NEK10: variants seen among roughly 807,000 people sequenced by gnomAD.
NEK10 encodes the protein serine/threonine-protein kinase Nek10.
In NEK10, 122 loss-of-function variants were observed where a neutral mutation model predicts 159.8. The ratio of observed to expected loss-of-function variants is 0.76; its 90% CI spans 0.66 to 0.89. The LOEUF (loss-of-function observed/expected upper bound fraction) is 0.89, where lower values mean the gene tolerates loss of function less well. Among genes scored for constraint, NEK10 ranks in the 40% least tolerant of loss-of-function variants. The probability of loss-of-function intolerance (pLI) is 0.00; values close to 1 mark genes in which losing one functional copy is unlikely to be tolerated. For synonymous variants in NEK10, 466 were observed against 457.1 expected, an observed-to-expected ratio of 1.02 and a Z score of -0.25; for missense variants, 1,342 against 1,323.1, an observed-to-expected ratio of 1.01 and a Z score of -0.22.
At chr3:27,302,684 T>C (rs2043923516) in intron 12 of NEK10, among the ~76,000 whole-genome samples, 1 of 152,218 alleles carries the variant, frequency 6.6e-6, no homozygotes. Context: ...TTATTTTTTA[T>C]AGCAGCAACT....
intron 22 of NEK10, among the ~76,000 whole-genome samples, chr3:27,282,223 T>C (rs930121828): frequency 4.6e-5 from 7 of 152,244 alleles, no homozygotes; most frequent in African/African-American, 1.2e-4. Context: ...CGTGGCCATT[T>C]TGTGGGAACA....
intron 9 of NEK10, chr3:27,309,916 T>C (rs1431960937): frequency 1.3e-5 from 2 of 152,190 alleles, no homozygotes; most frequent in Non-Finnish European, 2.9e-5. Context: ...TGGAAGTCTG[T>C]AGCTTGTCAG....
rs1950028420 is a variant in NEK10 at position 27,201,387 on chromosome 3, C to T, written c.2291+123G>A. 4 of 790,278 alleles carry T rather than the reference C, an allele frequency of 5.1e-6. 1 individual carries two copies. The South Asian group carries it at 5.7e-5, about 11-fold the overall frequency. The allele number at this position is 790,278 out of a possible 1,614,324, so 49.0% of individuals were successfully genotyped here. On this transcript the variant is annotated intron_variant, in intron 25 of 35. Transcript: ENST00000691995. Reference sequence around the variant, plus strand: ...TTACTGATGATGCACAAACATCTTTCTAGATTTGGATTATGTAGGGACTCT... The same window carrying T: ...TTACTGATGATGCACAAACATCTTTTTAGATTTGGATTATGTAGGGACTCT...
At chr3:27,186,702 A>C (rs1476679010) in intron 26 of NEK10, among the ~76,000 whole-genome samples, 1 of 152,232 alleles carries the variant, frequency 6.6e-6, no homozygotes, top group Non-Finnish European at 1.5e-5. Context: ...TACTTTGTAC[A>C]CATAGTGCCT....
chr3:27,311,990 G>T, intron 8 of NEK10, 109 bp downstream of exon 8: 1 of 742,516 alleles, frequency 1.3e-6, no homozygotes. Flanking sequence ...TGAGCTGTGT[G>T]TGCGAACATT....
At chr3:27,367,776 T>G (rs2049204302) in intron 1 of NEK10, among the ~76,000 whole-genome samples, 1 of 152,036 alleles carries the variant, frequency 6.6e-6, no homozygotes, top group Admixed American at 6.6e-5. Flanking sequence ...AGAAAATGAT[T>G]GGGGAGTGAG....
intron 23 of NEK10, among the ~76,000 whole-genome samples, chr3:27,243,183 T>C (rs1340210988): frequency 6.6e-6 from 1 of 152,182 alleles, no homozygotes; most frequent in Admixed American, 6.6e-5. Flanking sequence ...ATCGTGTCAT[T>C]ACTTCTAGGG....
At chr3:27,284,992 T>C in intron 20 of NEK10, 31 bp from the exon 21 acceptor site, 1 of 1,554,032 alleles carries the variant, frequency 6.4e-7, no homozygotes. Context: ...GTCACAGAAA[T>C]TTAAACTCAA....
chr3:27,301,712 A>C lies in NEK10; in HGVS notation c.1152T>G (p.Thr384=). 6.4e-7 allele frequency: 1 copy of C among 1,570,080 alleles called. No individual in the cohort carries two copies. Residue 384 remains threonine (T), a synonymous_variant, in exon 13 of 36, where the codon ACT becomes ACG. Coordinates refer to ENST00000691995, the MANE Select transcript of NEK10 (RefSeq NM_001394966.1). ...DLSPREIQEN[T]FSLQAACCAA... ...CATAAATACCTGCTTGAAGTGAGAA[A>C]GTATTTTCTTGTATTTCCCTAGGGC... is the stretch of plus-strand genomic sequence containing the variant.
chr3:27,347,100 G>A (rs2149795906), intron 3 of NEK10, among the ~76,000 whole-genome samples: 1 of 152,214 alleles, frequency 6.6e-6, no homozygotes, highest in Admixed American at 6.5e-5. Context: ...GGTAAGCAGA[G>A]TATAACATAA....
At chr3:27,327,156 T>C (rs2046062088) in intron 5 of NEK10, among the ~76,000 whole-genome samples, 3 of 152,140 alleles carry the variant, frequency 2.0e-5, no homozygotes, top group Admixed American at 2.0e-4. Flanking sequence ...CCCATTCCAG[T>C]GCTCTTGCCA....
intron 23 of NEK10, among the ~76,000 whole-genome samples, chr3:27,246,389 A>T (rs7643409): frequency 0.26 from 39,192 of 151,850 alleles, 5,205 homozygotes; most frequent in Middle Eastern, 0.38. Context: ...TCCTCAAGTA[A>T]ATTTAGATTT....
At chr3:27,126,036 A>C (rs144317745) in intron 32 of NEK10, among the ~76,000 whole-genome samples, 150 of 152,240 alleles carry the variant, frequency 9.9e-4, no homozygotes, top group African/African-American at 3.4e-3. Context: ...CTGCTGATTC[A>C]CAATGCCTCC....
At chr3:27,163,869 C>T (rs530562642) in intron 29 of NEK10, among the ~76,000 whole-genome samples, 3 of 152,260 alleles carry the variant, frequency 2.0e-5, no homozygotes, top group East Asian at 3.9e-4. Flanking sequence ...CCAACCTTTT[C>T]GTTTTAATCA....
Position 27,291,486 on chromosome 3 carries a change from C to G in NEK10, c.1474G>C (p.Val492Leu). The G allele has an allele frequency of 1.2e-6, 2 of 1,605,624 alleles. No individual in the cohort carries two copies. Among genetic ancestry groups the G allele is most frequent in the Non-Finnish European group, 1.7e-6 (2 of 1,172,256 alleles). Reference sequence around the variant, plus strand: ...AATATTGAAAACTCAGGACTTACCACTAATAAATTCAGCTTGGATACCAAT... The same window carrying G: ...AATATTGAAAACTCAGGACTTACCAGTAATAAATTCAGCTTGGATACCAAT... The part of the protein sequence containing the change: ...EELVSKLNLL[V>L]EDELKQIAEN... The change falls in exon 17 of 36, where the codon GTG becomes CTG. Residue 492 changes from valine to leucine, a missense_variant and splice_region_variant. Physicochemically the swap from Val to Leu is conservative, Grantham distance 32. Transcript: ENST00000691995.
rs1943774866 is a variant in NEK10 at position 27,141,421 on chromosome 3, G to C, written c.2970+61C>G. ...TAAAGTCCTCCAAAATAGTTCTTCA[G>C]CAATATTAGCACCAAACTTGCATTT... On this transcript the variant is annotated intron_variant, in intron 31 of 35. Coordinates refer to ENST00000691995, the MANE Select transcript of NEK10 (RefSeq NM_001394966.1). The C allele has an allele frequency of 3.2e-6, 4 of 1,251,880 alleles. No individual in the cohort carries two copies. The African/African-American group carries it at 4.5e-5, about 14-fold the overall frequency. 77.5% of individuals were successfully genotyped at this position (1,251,880 alleles called of 1,614,324 possible). A position where few individuals can be genotyped will look rare whatever the true frequency, so the allele number is the denominator to read the frequency against.
At chr3:27,295,236 C>T (rs530062964) in intron 15 of NEK10, among the ~76,000 whole-genome samples, 2 of 152,284 alleles carry the variant, frequency 1.3e-5, no homozygotes, top group East Asian at 3.9e-4. Context: ...TGGTGCCCCA[C>T]CCAATATCCC....
At chr3:27,304,051 G>A (rs1327233511) in intron 12 of NEK10, among the ~76,000 whole-genome samples, 1 of 152,130 alleles carries the variant, frequency 6.6e-6, no homozygotes, top group Non-Finnish European at 1.5e-5. Flanking sequence ...AAATACAGAA[G>A]TTAGTTTGCA....
intron 35 of NEK10, among the ~76,000 whole-genome samples, chr3:27,114,381 G>A (rs147140071): frequency 1.5e-3 from 222 of 152,168 alleles, no homozygotes; most frequent in African/African-American, 4.9e-3. Context: ...TTCTATTGAC[G>A]GTATATCTTT....
Sources: allele counts gnomAD v4.1 joint callset (sites outside exome capture counted in the v4.1 genomes callset), GRCh38; gene constraint gnomAD v4.1.1; transcripts MANE v1.5; gene names NCBI Gene and HGNC (gene_info 2026-07-23, HGNC 2026-07-21).